Variants in TAS2R1 observed in about 807,000 individuals in gnomAD.
TAS2R1 encodes taste 2 receptor member 1.
For missense variants in TAS2R1, 370 were observed against 353.4 expected (o/e 1.05, Z -0.38); for synonymous variants, 141 against 134.2 (o/e 1.05, Z -0.35).
intron 1 of TAS2R1, among the ~76,000 whole-genome samples, chr5:9,674,859 G>T (rs1238215419): frequency 6.6e-6 from 1 of 151,766 alleles, no homozygotes; most frequent in African/African-American, 2.4e-5. Context: ...TCTAGCTGGT[G>T]CAATAATACA....
At chr5:9,784,333 C>T in the TAS2R1 span, among the ~76,000 whole-genome samples, 2 of 152,148 alleles carry the variant, frequency 1.3e-5, no homozygotes, top group African/African-American at 2.4e-5. Flanking sequence ...CTCATACATC[C>T]AGGACTCACC....
chr5:9,629,021 A>G lies in TAS2R1; in HGVS notation c.*112T>C, dbSNP rs1280269642. The G allele has an allele frequency of 4.3e-6, 5 of 1,152,682 alleles. No homozygotes were observed. The Admixed American group carries it at 1.3e-4, about 29-fold the overall frequency. The allele number at this position is 1,152,682 out of a possible 1,614,324, so 71.4% of individuals were successfully genotyped here. On this transcript the variant is annotated 3_prime_UTR_variant, in exon 1 of 1. Coordinates refer to ENST00000382492, the MANE Select transcript of TAS2R1 (RefSeq NM_019599.3). The stretch of plus-strand genomic sequence containing the variant: ...CCTCAGGCTGGATAAACAGGCCTGA[A>G]GGGGACATGTTGTATATTTATGAAC...
chr5:9,897,799 G>A, the TAS2R1 span, among the ~76,000 whole-genome samples: 1 of 152,170 alleles, frequency 6.6e-6, no homozygotes, highest in Admixed American at 6.5e-5. Flanking sequence ...CTAGGAAGAT[G>A]ATGAAAGCAA....
At chr5:9,849,504 G>C in the TAS2R1 span, among the ~76,000 whole-genome samples, 1 of 152,198 alleles carries the variant, frequency 6.6e-6, no homozygotes, top group South Asian at 2.1e-4. Flanking sequence ...GCATGGCTGT[G>C]ATACAACTAG....
the TAS2R1 span, among the ~76,000 whole-genome samples, chr5:9,894,222 A>T: frequency 6.6e-6 from 1 of 151,814 alleles, no homozygotes; most frequent in African/African-American, 2.4e-5. Flanking sequence ...GGCCAACATG[A>T]CGAAACCCCG....
chr5:9,774,784 A>G, the TAS2R1 span, among the ~76,000 whole-genome samples: 1 of 152,218 alleles, frequency 6.6e-6, no homozygotes, highest in East Asian at 1.9e-4. Flanking sequence ...CTTCCACCAG[A>G]CAAAGTCTCT....
intron 2 of TAS2R1, among the ~76,000 whole-genome samples, chr5:9,640,394 G>A (rs1049567195): frequency 1.4e-5 from 2 of 146,638 alleles, no homozygotes; most frequent in Admixed American, 7.1e-5. Context: ...GATAGTGAAC[G>A]AATTACCAAG....
chr5:9,864,529 A>G, the TAS2R1 span, among the ~76,000 whole-genome samples: 4 of 151,736 alleles, frequency 2.6e-5, no homozygotes, highest in Non-Finnish European at 5.9e-5. Context: ...GCTACCCAGG[A>G]GGCTGATGCA....
chr5:9,660,146 C>T (rs1224329794), intron 1 of TAS2R1, among the ~76,000 whole-genome samples: 1 of 148,826 alleles, frequency 6.7e-6, no homozygotes, highest in Non-Finnish European at 1.5e-5. Flanking sequence ...GCAAGCTCTG[C>T]CTCCTGGGTT....
chr5:9,859,637 A>G, the TAS2R1 span, among the ~76,000 whole-genome samples: 1 of 152,232 alleles, frequency 6.6e-6, no homozygotes, highest in Admixed American at 6.5e-5. Flanking sequence ...AGTCACACGC[A>G]TTCAAGCAAA....
At chr5:9,661,177 T>C (rs1740525013) in intron 1 of TAS2R1, among the ~76,000 whole-genome samples, 1 of 152,268 alleles carries the variant, frequency 6.6e-6, no homozygotes, top group African/African-American at 2.4e-5. Flanking sequence ...ATCCAAGTTA[T>C]ACTTCTAATT....
At chr5:9,741,385 C>A in the TAS2R1 span, among the ~76,000 whole-genome samples, 2 of 152,172 alleles carry the variant, frequency 1.3e-5, no homozygotes, top group South Asian at 4.1e-4. Context: ...ATTTTCCATG[C>A]CAAGACATTT....
intron 2 of TAS2R1, among the ~76,000 whole-genome samples, chr5:9,645,274 G>A (rs1458266356): frequency 6.6e-6 from 1 of 152,152 alleles, no homozygotes; most frequent in East Asian, 1.9e-4. Flanking sequence ...AGATTATTAA[G>A]TTGAGGTGCA....
chr5:9,879,583 A>G, the TAS2R1 span, among the ~76,000 whole-genome samples: 1 of 152,254 alleles, frequency 6.6e-6, no homozygotes, highest in African/African-American at 2.4e-5. Flanking sequence ...CAATCAGCAT[A>G]GGCAGCTCCA....
chr5:9,759,274 C>G, the TAS2R1 span, among the ~76,000 whole-genome samples: 3 of 152,162 alleles, frequency 2.0e-5, no homozygotes, highest in South Asian at 6.2e-4. Context: ...TCAGTCTCTC[C>G]CACTGACACT....
intron 1 of TAS2R1, among the ~76,000 whole-genome samples, chr5:9,682,178 T>A (rs542469358): frequency 2.0e-4 from 30 of 152,350 alleles, no homozygotes; most frequent in African/African-American, 7.0e-4. Flanking sequence ...ACACTATTTT[T>A]CCTTGCCAAA....
the TAS2R1 span, among the ~76,000 whole-genome samples, chr5:9,813,180 A>G: frequency 6.6e-6 from 1 of 152,302 alleles, no homozygotes; most frequent in Non-Finnish European, 1.5e-5. Flanking sequence ...AAGACAATGG[A>G]AGAGACAAAG....
At chr5:9,787,205 A>G in the TAS2R1 span, among the ~76,000 whole-genome samples, 1 of 152,188 alleles carries the variant, frequency 6.6e-6, no homozygotes, top group African/African-American at 2.4e-5. Flanking sequence ...AGCATTAGGA[A>G]GTATGTATCA....
At chr5:9,859,955 T>C in the TAS2R1 span, among the ~76,000 whole-genome samples, 589 of 152,304 alleles carry the variant, frequency 3.9e-3, 2 homozygotes, top group African/African-American at 0.014. Flanking sequence ...TGTTGTAAAA[T>C]ATTAAGTCAA....
Sources: allele counts gnomAD v4.1 joint callset (sites outside exome capture counted in the v4.1 genomes callset), GRCh38; gene constraint gnomAD v4.1.1; transcripts MANE v1.5; gene names NCBI Gene and HGNC (gene_info 2026-07-23, HGNC 2026-07-21).